The following MAPK10 variants were observed in gnomAD, a reference collection of about 807,000 sequenced individuals.
MAPK10 encodes the protein mitogen-activated protein kinase 10.
MAPK10 carries 25 observed loss-of-function variants against 59.3 expected under a neutral mutation model. The ratio of observed to expected loss-of-function variants is 0.42; its 90% CI spans 0.31 to 0.59. MAPK10 has a LOEUF of 0.59. MAPK10 is among the 20% of genes least tolerant of loss of function. The pLI is 0.15. For missense variants in MAPK10, 351 were observed against 568.9 expected (o/e 0.62, Z 3.90); for synonymous variants, 190 against 200.5 (o/e 0.95, Z 0.44).
At chr4:86,323,140 C>A (rs1008665491) in intron 2 of MAPK10, among the ~76,000 whole-genome samples, 1 of 152,316 alleles carries the variant, frequency 6.6e-6, no homozygotes, top group Non-Finnish European at 1.5e-5. Context: ...TTCCACTGTG[C>A]TCCAGCCTGG....
chr4:86,541,006 GC>G (rs1051025269), intron 1 of MAPK10, among the ~76,000 whole-genome samples: 14 of 152,164 alleles, frequency 9.2e-5, no homozygotes, highest in African/African-American at 3.4e-4. Flanking sequence ...CTTTCAGAAT[GC>G]CCACTGATAA....
chr4:86,313,405 G>A (rs2095710898), intron 2 of MAPK10, among the ~76,000 whole-genome samples: 1 of 151,962 alleles, frequency 6.6e-6, no homozygotes, highest in Non-Finnish European at 1.5e-5. Context: ...TATTAAAATT[G>A]AAAATCTTTT....
At chr4:86,194,923 T>G (rs1354251397) in intron 2 of MAPK10, among the ~76,000 whole-genome samples, 4 of 151,950 alleles carry the variant, frequency 2.6e-5, no homozygotes, top group Admixed American at 2.6e-4. Context: ...GTAACAGATA[T>G]AAGGAATATA....
rs915217815 is a variant in MAPK10, at chr4:86,067,447, T to A, written c.985+326A>T. Among the ~76,000 whole-genome samples the A allele has an allele frequency of 3.3e-5, 5 of 152,176 alleles. No homozygotes were observed. In the South Asian group the frequency reaches 1.0e-3, roughly 32 times the overall value. ...AGACTTGAGCCACCGCCCCCGGCCC[T>A]GAATATCCAGACAATTCTAAAATCC... On this transcript the variant is annotated intron_variant, in intron 10 of 13. Coordinates refer to ENST00000641462, the MANE Select transcript of MAPK10 (RefSeq NM_138982.4).
chr4:86,498,710 T>A (rs529475595), intron 1 of MAPK10, among the ~76,000 whole-genome samples: 1 of 152,196 alleles, frequency 6.6e-6, no homozygotes, highest in Admixed American at 6.5e-5. Context: ...ACCACAAATA[T>A]GTAGGGTACA....
chr4:86,408,759 T>C (rs988790275), intron 1 of MAPK10, among the ~76,000 whole-genome samples: 3 of 152,230 alleles, frequency 2.0e-5, no homozygotes, highest in African/African-American at 7.2e-5. Context: ...TTTGTTTTTT[T>C]CTTGTAAATT....
In MAPK10 at chr4:86,270,375, G is replaced by A. The variant is rs185882565; in HGVS notation, c.-6-75968C>T. 5.9e-3 allele frequency among the ~76,000 whole-genome samples: 880 copies of A among 149,276 alleles called. 8 individuals carry two copies. The highest frequency in any genetic ancestry group is 0.02 in the African/African-American group (828 of 40,602). ...GAGCAATGAATGAAAAAAAATGTGT[G>A]CTATTTTTTTTAATTTCCTTCCCAA... is the stretch of plus-strand genomic sequence containing the variant. On this transcript the variant is annotated intron_variant, in intron 2 of 13. Transcript: ENST00000641462.
At chr4:86,374,613 C>T (rs1018855904) in intron 1 of MAPK10, among the ~76,000 whole-genome samples, 1 of 152,130 alleles carries the variant, frequency 6.6e-6, no homozygotes, top group Middle Eastern at 3.2e-3. Flanking sequence ...ATGTGGCATA[C>T]ACAGCTTTTT....
chr4:86,392,704 CAATA>C lies in MAPK10; in HGVS notation c.-121-38064_-121-38061del, dbSNP rs1383507901. 2.6e-5 allele frequency among the ~76,000 whole-genome samples: 4 copies of C among 152,154 alleles called. No homozygotes were observed. The East Asian group carries it at 7.8e-4, about 30-fold the overall frequency. On this transcript the variant is annotated intron_variant, in intron 1 of 13. Transcript: ENST00000361569. ...TAGTGTCAGATACATAAAAGGTGCT[CAATA>C]AATACTTGCTGAATGACTGAAAAAA...
At chr4:86,337,612 A>C (rs1722304953) in intron 2 of MAPK10, among the ~76,000 whole-genome samples, 1 of 152,206 alleles carries the variant, frequency 6.6e-6, no homozygotes, top group Non-Finnish European at 1.5e-5. Context: ...ACCTAGGAGG[A>C]GGGACCATGG....
At chr4:86,198,540 C>G (rs1475103992) in intron 2 of MAPK10, among the ~76,000 whole-genome samples, 1 of 152,034 alleles carries the variant, frequency 6.6e-6, no homozygotes, top group Non-Finnish European at 1.5e-5. Context: ...GGTAACATCT[C>G]AGACTCTCCA....
At chr4:86,547,093 T>C (rs780762605) in intron 1 of MAPK10, among the ~76,000 whole-genome samples, 181 of 152,284 alleles carry the variant, frequency 1.2e-3, no homozygotes, top group Non-Finnish European at 1.6e-3. Flanking sequence ...AGGCTGATTA[T>C]TGGAGTCAGA....
intron 13 of MAPK10, among the ~76,000 whole-genome samples, chr4:86,021,734 G>A (rs551314319): frequency 9.2e-5 from 14 of 152,370 alleles, no homozygotes; most frequent in African/African-American, 3.1e-4. Flanking sequence ...GCGGGCTGCA[G>A]GTCCTGAGCC....
At chr4:86,434,089 G>A (rs777499276) in intron 1 of MAPK10, among the ~76,000 whole-genome samples, 1 of 152,134 alleles carries the variant, frequency 6.6e-6, no homozygotes, top group East Asian at 1.9e-4. Context: ...TTAACGCCAT[G>A]AATCTAAACA....
chr4:86,241,261 C>T (rs2092705229), intron 2 of MAPK10, among the ~76,000 whole-genome samples: 1 of 152,016 alleles, frequency 6.6e-6, no homozygotes, highest in East Asian at 1.9e-4. Flanking sequence ...CTCTGGCTGC[C>T]CTTAACAGTT....
intron 4 of MAPK10, among the ~76,000 whole-genome samples, chr4:86,111,867 G>T (rs2057537948): frequency 6.6e-6 from 1 of 151,870 alleles, no homozygotes. Context: ...TTTTTTGGTT[G>T]GTAGGCTATT....
At chr4:86,550,690 A>G (rs528501075) in intron 1 of MAPK10, among the ~76,000 whole-genome samples, 2 of 152,276 alleles carry the variant, frequency 1.3e-5, no homozygotes, top group African/African-American at 4.8e-5. Flanking sequence ...GCAACACAGC[A>G]AGACTCTGTC....
rs144014560 is a variant in MAPK10, at chr4:86,473,026, A to G, written c.-262-118382T>C. On this transcript the variant is annotated intron_variant, in intron 1 of 4. Coordinates refer to the MAPK10 transcript ENST00000502302. ...TTGCTTTGTTTGTGCATTTTGTCCA[A>G]TACTTTGTTCAAGACTCCAAGAACC... Among the ~76,000 whole-genome samples the G allele has an allele frequency of 9.6e-3, 1,463 of 152,288 alleles. 17 individuals are homozygous for G. Among genetic ancestry groups the G allele is most frequent in the African/African-American group, 0.033 (1,381 of 41,540 alleles).
chr4:86,504,049 A>G (rs78464811), intron 1 of MAPK10, among the ~76,000 whole-genome samples: 7,351 of 152,180 alleles, frequency 0.048, 235 homozygotes, highest in African/African-American at 0.061. Context: ...CCAATCTATC[A>G]AAGTAACATT....
Sources: gnomAD v4.1 joint callset for allele counts (sites outside exome capture counted in the v4.1 genomes callset) on GRCh38, gnomAD v4.1.1 for gene constraint, MANE v1.5 for transcripts, NCBI Gene and HGNC (gene_info 2026-07-23, HGNC 2026-07-21) for gene names.